NT5C2: variants seen among roughly 807,000 people sequenced by gnomAD.
The protein encoded by NT5C2 is 5'-nucleotidase, cytosolic II.
Under a neutral mutation model 76.1 loss-of-function variants are expected in NT5C2, and 58 were observed. The ratio of observed to expected loss-of-function variants is 0.76; its 90% confidence interval spans 0.62 to 0.95. The LOEUF is 0.95. NT5C2 is among the 40% of genes least tolerant of loss of function. NT5C2 has a pLI of 0.00. For synonymous variants in NT5C2, 229 were observed against 237.4 expected, an observed-to-expected ratio of 0.96 and a Z score of 0.32; for missense variants, 478 against 690.3, an observed-to-expected ratio of 0.69 and a Z score of 3.45.
At chr10:103,152,816 T>C (rs997857256) in intron 3 of NT5C2, among the ~76,000 whole-genome samples, 1 of 152,224 alleles carries the variant, frequency 6.6e-6, no homozygotes. Flanking sequence ...CAAAGCAAAT[T>C]AGAATAGGGA....
Position 103,101,259 on chromosome 10 carries a change from G to A in NT5C2, c.457C>T (p.Leu153=). The A allele has an allele frequency of 6.2e-7, 1 of 1,605,166 alleles. No individual in the cohort carries two copies. Among genetic ancestry groups the A allele is most frequent in the Non-Finnish European group, 8.5e-7 (1 of 1,172,340 alleles). The part of the protein sequence containing the change: ...QRDDTERFYI[L]NTLFNLPETY... ...CCTGGTAGGTTGAATAGTGTGTTCAGAATGTAAAATCTTTCAGTATCATCT... is the reference window on the plus strand; with the variant it reads ...CCTGGTAGGTTGAATAGTGTGTTCAAAATGTAAAATCTTTCAGTATCATCT... Residue 153 remains leucine, a synonymous_variant, in exon 7 of 19, where the codon CTG becomes TTG. Coordinates refer to ENST00000404739, the MANE Select transcript of NT5C2 (RefSeq NM_001351169.2).
chr10:103,089,789 C>G lies in NT5C2; in HGVS notation c.1569G>C (p.Gln523His), dbSNP rs779906226. The change falls in exon 19 of 19, where the codon CAG becomes CAC. Residue 523 changes from glutamine (Q) to histidine (H), a missense_variant. Physicochemically the swap from Gln to His is conservative, Grantham distance 24 (BLOSUM62 0). Transcript: ENST00000404739. ...TAATCTCACTAATTGACCGTGTCAG[C>G]TGGTGCCGCTTGTAGTCAGTGTCTT... Reference protein sequence around the residue: ...DFKDTDYKRHQLTRSISEIKP... With the variant: ...DFKDTDYKRHHLTRSISEIKP... The G allele has an allele frequency of 6.2e-7, 1 of 1,614,098 alleles. No individual in the cohort carries two copies. The highest frequency in any genetic ancestry group is 8.5e-7 in the Non-Finnish European group (1 of 1,179,996).
At chr10:103,123,840 T>C (rs1387062957) in intron 4 of NT5C2, among the ~76,000 whole-genome samples, 1 of 148,190 alleles carries the variant, frequency 6.7e-6, no homozygotes, top group African/African-American at 2.5e-5. Flanking sequence ...ACTCAAGCCT[T>C]CGAAATTGGG....
chr10:103,167,032 T>C (rs1019718128), intron 3 of NT5C2, among the ~76,000 whole-genome samples: 2 of 150,812 alleles, frequency 1.3e-5, no homozygotes, highest in African/African-American at 4.9e-5. Flanking sequence ...TTTTTTTTTT[T>C]CTTGAGACAG....
chr10:103,156,993 A>G (rs1191883869), intron 3 of NT5C2, among the ~76,000 whole-genome samples: 1 of 151,838 alleles, frequency 6.6e-6, no homozygotes, highest in African/African-American at 2.4e-5. Flanking sequence ...TATGTCTCCC[A>G]AAGTTGGTAG....
intron 4 of NT5C2, among the ~76,000 whole-genome samples, chr10:103,129,316 G>T (rs1490019457): frequency 9.5e-6 from 1 of 105,234 alleles, no homozygotes; most frequent in Non-Finnish European, 2.0e-5. Context: ...TCAGCCCCCC[G>T]CCCGGCCAGC....
In NT5C2 at chr10:103,094,403, TCCA is replaced by T. The variant is rs1229818261; in HGVS notation, c.863_865del (p.Val288del). 2 of 1,613,784 alleles carry T rather than the reference TCCA, an allele frequency of 1.2e-6. No homozygotes were observed. Among genetic ancestry groups the T allele is most frequent in the East Asian group, 4.5e-5 (2 of 44,876 alleles). On this transcript the variant is annotated inframe_deletion, in exon 13 of 19. Transcript: ENST00000404739. ...TCCAAAAAAGAGTGGTTTCCGTGCA[TCCA>T]CCAAGATCAAGTCAAAGTAGGACTG...
intron 4 of NT5C2, among the ~76,000 whole-genome samples, chr10:103,108,660 G>GT (rs2072064786): frequency 6.6e-6 from 1 of 151,976 alleles, no homozygotes. Flanking sequence ...TTAAACTGAA[G>GT]TTTTTAAAAA....
At chr10:103,116,245 G>A (rs2074305273) in intron 4 of NT5C2, among the ~76,000 whole-genome samples, 1 of 152,122 alleles carries the variant, frequency 6.6e-6, no homozygotes, top group Admixed American at 6.5e-5. Context: ...GTAATGAGCT[G>A]CTTTAAACAC....
At chr10:103,184,347 A>G (rs1451937112) in intron 1 of NT5C2, among the ~76,000 whole-genome samples, 3 of 152,314 alleles carry the variant, frequency 2.0e-5, no homozygotes, top group Non-Finnish European at 4.4e-5. Context: ...TCAAAGGCCA[A>G]CACTCAATAG....
chr10:103,100,261 T>TA (rs1210994983), intron 8 of NT5C2, among the ~76,000 whole-genome samples: 1 of 152,234 alleles, frequency 6.6e-6, no homozygotes, highest in Non-Finnish European at 1.5e-5. Flanking sequence ...GAATGGAAGC[T>TA]AAAAGGCCAA....
chr10:103,104,988 A>G (rs914320946), intron 6 of NT5C2, among the ~76,000 whole-genome samples: 4 of 152,222 alleles, frequency 2.6e-5, no homozygotes, highest in Admixed American at 6.5e-5. Flanking sequence ...GAGAAAATGT[A>G]TAACAGTAAA....
intron 4 of NT5C2, among the ~76,000 whole-genome samples, chr10:103,117,015 G>A (rs1317618297): frequency 6.6e-6 from 1 of 152,072 alleles, no homozygotes; most frequent in Non-Finnish European, 1.5e-5. Flanking sequence ...CAGAGCAAGA[G>A]ATAGGTAATA....
At chr10:103,093,889 G>T in intron 14 of NT5C2, 83 bp downstream of exon 14, 1 of 1,025,438 alleles carries the variant, frequency 9.8e-7, no homozygotes, top group Non-Finnish European at 1.5e-6. Flanking sequence ...AACAGTATAT[G>T]TGGCACTTTG....
At chr10:103,100,122 T>C (rs2069195696) in intron 8 of NT5C2, 103 bp from the exon 9 acceptor site, 1 of 693,732 alleles carries the variant, frequency 1.4e-6, no homozygotes, top group Admixed American at 2.3e-5. Context: ...ATCACATGGG[T>C]AAAGGCTGTG....
chr10:103,158,018 A>C (rs2083829981), intron 3 of NT5C2, among the ~76,000 whole-genome samples: 1 of 152,010 alleles, frequency 6.6e-6, no homozygotes, highest in South Asian at 2.1e-4. Flanking sequence ...GGATGCAGTG[A>C]GCCAGGATCG....
intron 1 of NT5C2, among the ~76,000 whole-genome samples, chr10:103,192,285 C>A (rs1396782100): frequency 3.3e-5 from 5 of 152,092 alleles, no homozygotes; most frequent in Non-Finnish European, 7.4e-5. Context: ...CGCGCACACA[C>A]CCCCCTGTAA....
At chr10:103,104,136 G>C (rs750912878) in intron 6 of NT5C2, among the ~76,000 whole-genome samples, 82 of 152,182 alleles carry the variant, frequency 5.4e-4, no homozygotes, top group South Asian at 3.3e-3. Flanking sequence ...GTAAGCCACT[G>C]TGCCTGGCCA....
Position 103,109,518 on chromosome 10 carries a change from T to C in NT5C2, c.176-2812A>G, listed in dbSNP as rs79366668. On this transcript the variant is annotated intron_variant, in intron 4 of 18. Coordinates refer to ENST00000404739, the MANE Select transcript of NT5C2 (RefSeq NM_001351169.2). ...AAGGCCCCATTTATTTCAAACTGTATTTAATGAAATAAAGTTCCAGTATAG... is the reference window on the plus strand; with the variant it reads ...AAGGCCCCATTTATTTCAAACTGTACTTAATGAAATAAAGTTCCAGTATAG... 6.0e-3 allele frequency among the ~76,000 whole-genome samples: 910 copies of C among 152,324 alleles called. 15 individuals carry two copies. Among genetic ancestry groups the C allele is most frequent in the African/African-American group, 0.021 (883 of 41,564 alleles).
Sources: allele counts gnomAD v4.1 joint callset (sites outside exome capture counted in the v4.1 genomes callset), GRCh38; gene constraint gnomAD v4.1.1; transcripts MANE v1.5; gene names NCBI Gene and HGNC (gene_info 2026-07-23, HGNC 2026-07-21).